Variants in GPC3 observed in about 807,000 individuals in gnomAD.
GPC3 encodes the protein glypican-3.
Under a neutral mutation model 34.4 loss-of-function variants are expected in GPC3, and 3 were observed. The ratio of observed to expected loss-of-function variants is 0.09; its 90% CI spans 0.04 to 0.23. The LOEUF (loss-of-function observed/expected upper bound fraction) is 0.23, where lower values mean the gene tolerates loss of function less well. GPC3 is among the 10% of genes least tolerant of loss of function. The pLI is 1.00. For missense variants in GPC3, 351 were observed against 445.6 expected, an observed-to-expected ratio of 0.79 and a Z score of 1.91; for synonymous variants, 177 against 174.0, an observed-to-expected ratio of 1.02 and a Z score of -0.13.
At chrX:133,904,148 ATC>A (rs1167173742) in intron 2 of GPC3, among the ~76,000 whole-genome samples, 1 of 112,096 alleles carries the variant, frequency 8.9e-6, no homozygotes, top group Admixed American at 9.4e-5. Context: ...TTTCTGATAT[ATC>A]TGACATGATT....
intron 3 of GPC3, among the ~76,000 whole-genome samples, chrX:133,734,434 A>C (rs1485812584): frequency 9.0e-6 from 1 of 111,349 alleles, no homozygotes; most frequent in Non-Finnish European, 1.9e-5. Flanking sequence ...AGCTAATACT[A>C]TACTTAATGG....
chrX:133,959,582 G>A (rs2076433304), intron 1 of GPC3, among the ~76,000 whole-genome samples: 1 of 112,537 alleles, frequency 8.9e-6, no homozygotes, highest in Admixed American at 9.4e-5. Context: ...GCACAAGCAA[G>A]GGTAGGTTAT....
chrX:133,924,253 T>G (rs984314758), intron 2 of GPC3, among the ~76,000 whole-genome samples: 1 of 111,570 alleles, frequency 9.0e-6, no homozygotes, highest in African/African-American at 3.3e-5. Context: ...GCACAATATA[T>G]AGAACCCAAC....
intron 6 of GPC3, among the ~76,000 whole-genome samples, chrX:133,659,318 T>A (rs917035595): frequency 4.6e-4 from 52 of 112,237 alleles, no homozygotes; most frequent in Admixed American, 2.5e-3. Context: ...GCTATAAATA[T>A]TTTTTAGTGA....
chrX:133,639,037 T>G (rs2070457166), intron 6 of GPC3, among the ~76,000 whole-genome samples: 1 of 110,961 alleles, frequency 9.0e-6, no homozygotes. Flanking sequence ...ATACTTCCAC[T>G]TCATTATCCC....
rs759335839 is a variant in GPC3, at chrX:133,851,647, C to G, written c.338-97471G>C. Among the ~76,000 whole-genome samples the G allele has an allele frequency of 3.6e-5, 4 of 111,932 alleles. No homozygotes were observed. In the East Asian group the frequency reaches 1.1e-3, roughly 31 times the overall value. On this transcript the variant is annotated intron_variant, in intron 2 of 7. Transcript: ENST00000370818. ...ATTAGTATAAGTTCTACTTTCTCTA[C>G]CTGTTGTTTTCCCCCTCCCATAGAC... is the stretch of plus-strand genomic sequence containing the variant.
intron 7 of GPC3, among the ~76,000 whole-genome samples, chrX:133,573,130 T>C (rs1357738478): frequency 9.0e-6 from 1 of 111,455 alleles, no homozygotes; most frequent in Non-Finnish European, 1.9e-5. Flanking sequence ...GTATATACCA[T>C]ATTAATAGAA....
intron 2 of GPC3, among the ~76,000 whole-genome samples, chrX:133,827,944 C>CAAAAAAAAAAAA (rs760699432): frequency 8.3e-5 from 3 of 36,014 alleles, no homozygotes; most frequent in Non-Finnish European, 1.4e-4. Context: ...AACTCCATCC[C>CAAAAAAAAAAAA]AAAAAAAAAA....
At chrX:133,711,562 C>A (rs1389448093) in intron 3 of GPC3, among the ~76,000 whole-genome samples, 2 of 111,220 alleles carry the variant, frequency 1.8e-5, no homozygotes, top group African/African-American at 6.5e-5. Flanking sequence ...AATTGGTCTC[C>A]AAAGCTCCAG....
At chrX:133,735,795 T>C (rs1329723721) in intron 3 of GPC3, among the ~76,000 whole-genome samples, 1 of 108,983 alleles carries the variant, frequency 9.2e-6, no homozygotes, top group East Asian at 2.9e-4. Context: ...AAACCTCATC[T>C]CTACAAAAAA....
At chrX:133,938,147 C>A (rs2076330566) in intron 2 of GPC3, among the ~76,000 whole-genome samples, 1 of 112,103 alleles carries the variant, frequency 8.9e-6, no homozygotes, top group African/African-American at 3.2e-5. Context: ...TTAACAAACA[C>A]AAGCTAACAT....
intron 2 of GPC3, among the ~76,000 whole-genome samples, chrX:133,790,133 G>GAAA (rs773593405): frequency 5.7e-5 from 6 of 104,712 alleles, no homozygotes; most frequent in Non-Finnish European, 1.2e-4. Flanking sequence ...AGCCAAACAA[G>GAAA]AAAAAAAAAA....
At chrX:133,615,263 G>T (rs1300669048) in intron 6 of GPC3, among the ~76,000 whole-genome samples, 2 of 111,327 alleles carry the variant, frequency 1.8e-5, no homozygotes, top group Non-Finnish European at 3.8e-5. Context: ...ACAGATCAAA[G>T]TGTTGTGTAA....
intron 3 of GPC3, among the ~76,000 whole-genome samples, chrX:133,735,683 C>T (rs1253372823): frequency 1.8e-5 from 2 of 111,120 alleles, no homozygotes; most frequent in African/African-American, 3.3e-5. Flanking sequence ...TAATTATAGG[C>T]TGGGGGCAGT....
At chrX:133,775,496 G>T in intron 2 of GPC3, among the ~76,000 whole-genome samples, 1 of 111,773 alleles carries the variant, frequency 8.9e-6, no homozygotes, top group Non-Finnish European at 1.9e-5. Context: ...CAGATAGCCT[G>T]GCCATCTTAC....
intron 7 of GPC3, among the ~76,000 whole-genome samples, chrX:133,564,384 T>G (rs1188436812): frequency 9.0e-6 from 1 of 111,383 alleles, no homozygotes; most frequent in African/African-American, 3.3e-5. Flanking sequence ...CTTTCCCTCA[T>G]CAAAATTTGA....
At chrX:133,681,219 A>G (rs1002043137) in intron 5 of GPC3, among the ~76,000 whole-genome samples, 1 of 111,837 alleles carries the variant, frequency 8.9e-6, no homozygotes, top group Admixed American at 9.5e-5. Context: ...ACAATCTGTT[A>G]AGGGAGAAAC....
intron 2 of GPC3, among the ~76,000 whole-genome samples, chrX:133,904,891 T>C (rs1400891465): frequency 8.9e-6 from 1 of 112,195 alleles, no homozygotes; most frequent in East Asian, 2.8e-4. Flanking sequence ...AAAATAGTCT[T>C]TCCTGAAAGA....
At chrX:133,900,920 A>G (rs2076141391) in intron 2 of GPC3, among the ~76,000 whole-genome samples, 2 of 111,804 alleles carry the variant, frequency 1.8e-5, no homozygotes, top group Admixed American at 1.9e-4. Context: ...TTTATTTTTA[A>G]AAGTGGATTA....
Sources: allele counts gnomAD v4.1 joint callset (sites outside exome capture counted in the v4.1 genomes callset), GRCh38; gene constraint gnomAD v4.1.1; transcripts MANE v1.5; gene names NCBI Gene and HGNC (gene_info 2026-07-23, HGNC 2026-07-21).